Variants in MEF2C observed in about 807,000 individuals in gnomAD.
MEF2C encodes myocyte-specific enhancer factor 2C.
MEF2C carries 6 observed loss-of-function variants against 50.5 expected under a neutral mutation model. That is an observed-to-expected ratio of 0.12 (90% CI 0.07 to 0.23). The LOEUF is 0.23. Among genes scored for constraint, MEF2C ranks in the 10% least tolerant of loss-of-function variants. The pLI, the probability that MEF2C is intolerant of heterozygous loss-of-function variation, is 1.00. For missense variants in MEF2C, 276 were observed against 605.0 expected, an observed-to-expected ratio of 0.46 and a Z score of 5.70; for synonymous variants, 183 against 228.0, an observed-to-expected ratio of 0.80 and a Z score of 1.78.
At chr5:88,730,133 C>T in intron 8 of MEF2C, 78 bp downstream of exon 8, 3 of 1,462,434 alleles carry the variant, frequency 2.1e-6, no homozygotes, top group Non-Finnish European at 9.3e-7. Flanking sequence ...CAATATCTTC[C>T]AATTTTATCA....
chr5:88,865,618 T>TA (rs1248255201), intron 1 of MEF2C, among the ~76,000 whole-genome samples: 1 of 152,212 alleles, frequency 6.6e-6, no homozygotes. Context: ...TATGGAGTCT[T>TA]AGAGCGTGCT....
chr5:88,762,604 T>C (rs1778357328), intron 3 of MEF2C, among the ~76,000 whole-genome samples: 1 of 152,112 alleles, frequency 6.6e-6, no homozygotes, highest in Non-Finnish European at 1.5e-5. Context: ...CTAACGGTTG[T>C]CAACTTAATT....
At chr5:88,879,447 A>G (rs376433624) in intron 1 of MEF2C, among the ~76,000 whole-genome samples, 1 of 151,748 alleles carries the variant, frequency 6.6e-6, no homozygotes, top group Non-Finnish European at 1.5e-5. Flanking sequence ...ATATGGATTC[A>G]TAACTATGTA....
rs192904952 is a variant in MEF2C at position 88,871,679 on chromosome 5, G to A, written c.-143+11276C>T. Reference sequence around the variant, plus strand: ...ATGTGAACAGAAAAGCTGAACAAAAGGGGTTCCCTGACACCAGTAATACTC... The same window carrying A: ...ATGTGAACAGAAAAGCTGAACAAAAAGGGTTCCCTGACACCAGTAATACTC... On this transcript the variant is annotated intron_variant, in intron 1 of 10. Transcript: ENST00000504921. 3.5e-4 allele frequency among the ~76,000 whole-genome samples: 53 copies of A among 152,058 alleles called. 1 individual carries two copies. In the East Asian group the frequency reaches 7.7e-3, roughly 22 times the overall value.
chr5:88,741,562 C>T (rs1161130393), intron 6 of MEF2C: 10 of 985,172 alleles, frequency 1.0e-5, no homozygotes, highest in African/African-American at 1.7e-5. Context: ...TTAGAGCCAA[C>T]TAAAGATTCA....
At chr5:88,818,941 T>A (rs1464296643) in intron 2 of MEF2C, among the ~76,000 whole-genome samples, 5 of 152,062 alleles carry the variant, frequency 3.3e-5, no homozygotes, top group African/African-American at 9.7e-5. Flanking sequence ...AGCTAATAGG[T>A]AAATTTATTG....
intron 1 of MEF2C, among the ~76,000 whole-genome samples, chr5:88,890,836 G>C (rs565496935): frequency 6.6e-6 from 1 of 152,188 alleles, no homozygotes; most frequent in South Asian, 2.1e-4. Context: ...TTTTTTTATA[G>C]GCAAGAGAAA....
intron 1 of MEF2C, among the ~76,000 whole-genome samples, chr5:88,875,769 C>A (rs903602012): frequency 2.4e-4 from 37 of 151,900 alleles, no homozygotes; most frequent in African/African-American, 8.9e-4. Flanking sequence ...CTGTTCCTTA[C>A]CCTATGTAGG....
chr5:88,800,519 C>T (rs1797913047), intron 3 of MEF2C, among the ~76,000 whole-genome samples: 1 of 152,140 alleles, frequency 6.6e-6, no homozygotes. Flanking sequence ...GGGCTGTAAG[C>T]ATGTCCTGTG....
chr5:88,741,804 A>T (rs893916443), intron 6 of MEF2C: 2 of 985,076 alleles, frequency 2.0e-6, no homozygotes, highest in Non-Finnish European at 2.4e-6. Flanking sequence ...AGTAAAATAG[A>T]TAAACTTAAA....
chr5:88,896,724 A>G (rs1486190093), intron 1 of MEF2C, among the ~76,000 whole-genome samples: 1 of 152,212 alleles, frequency 6.6e-6, no homozygotes, highest in African/African-American at 2.4e-5. Context: ...GAACACTACT[A>G]AAGTAAGAAA....
chr5:88,791,682 T>A (rs949811911), intron 3 of MEF2C, among the ~76,000 whole-genome samples: 4 of 152,086 alleles, frequency 2.6e-5, no homozygotes, highest in Non-Finnish European at 4.4e-5. Context: ...TCTATACAAA[T>A]CATTGTGGTA....
At chr5:88,745,951 T>C (rs976255183) in intron 6 of MEF2C, among the ~76,000 whole-genome samples, 3 of 152,178 alleles carry the variant, frequency 2.0e-5, no homozygotes, top group African/African-American at 7.2e-5. Flanking sequence ...TAAACGACTA[T>C]TATGAGAATG....
intron 2 of MEF2C, among the ~76,000 whole-genome samples, chr5:88,807,142 A>G (rs964898390): frequency 6.6e-6 from 1 of 152,214 alleles, no homozygotes; most frequent in African/African-American, 2.4e-5. Flanking sequence ...GTAGAAAGCA[A>G]AGAACATAGG....
chr5:88,748,164 T>A (rs989152034), intron 6 of MEF2C: 2 of 983,286 alleles, frequency 2.0e-6, no homozygotes, highest in Non-Finnish European at 2.4e-6. Context: ...TAAACCAATT[T>A]TCTTTATCTT....
At chr5:88,729,958 G>T (rs1760735353) in intron 8 of MEF2C, among the ~76,000 whole-genome samples, 1 of 151,804 alleles carries the variant, frequency 6.6e-6, no homozygotes, top group Admixed American at 6.6e-5. Flanking sequence ...TTTATGTAAT[G>T]AAAGAATATT....
chr5:88,836,904 ACTTTC>A (rs1033427546), intron 1 of MEF2C, among the ~76,000 whole-genome samples: 2 of 149,618 alleles, frequency 1.3e-5, no homozygotes, highest in African/African-American at 4.9e-5. Flanking sequence ...CAAGCTCACG[ACTTTC>A]CTTTCCTTAG....
intron 10 of MEF2C, among the ~76,000 whole-genome samples, chr5:88,727,490 G>C (rs1234547763): frequency 6.6e-6 from 1 of 152,018 alleles, no homozygotes; most frequent in Non-Finnish European, 1.5e-5. Flanking sequence ...CAAAGTTGTG[G>C]TATAAATCAG....
chr5:88,766,783 T>C (rs775262444), intron 3 of MEF2C: 21 of 985,406 alleles, frequency 2.1e-5, no homozygotes, highest in Non-Finnish European at 2.2e-5. Flanking sequence ...CAAGAACACA[T>C]GCAGGAATTA....
Sources: gnomAD v4.1 joint callset for allele counts (sites outside exome capture counted in the v4.1 genomes callset) on GRCh38, gnomAD v4.1.1 for gene constraint, MANE v1.5 for transcripts, NCBI Gene and HGNC (gene_info 2026-07-23, HGNC 2026-07-21) for gene names.